The following LRRC32 variants were observed in gnomAD, a reference collection of about 807,000 sequenced individuals.
LRRC32 encodes leucine rich repeat containing 32, also known as transforming growth factor beta activator LRRC32.
LRRC32 carries 5 observed loss-of-function variants against 15.0 expected under a neutral mutation model. That is an observed-to-expected ratio of 0.33 (90% CI 0.17 to 0.70). The LOEUF (loss-of-function observed/expected upper bound fraction) is 0.70, where lower values mean the gene tolerates loss of function less well. Ranked by LOEUF, LRRC32 falls within the 30% of genes least tolerant of loss-of-function variation. LRRC32 has a pLI of 0.66. For synonymous variants in LRRC32, 391 were observed against 403.9 expected, an observed-to-expected ratio of 0.97 and a Z score of 0.38; for missense variants, 803 against 854.2, an observed-to-expected ratio of 0.94 and a Z score of 0.75.
At chr11:76,666,569 G>A (rs552101089) in intron 1 of LRRC32, among the ~76,000 whole-genome samples, 107 of 152,332 alleles carry the variant, frequency 7.0e-4, no homozygotes, top group African/African-American at 1.9e-3. Context: ...TGGCTGCCCC[G>A]GCACTGCTCT....
At chr11:76,669,222 G>T (rs1286642035) in intron 1 of LRRC32, among the ~76,000 whole-genome samples, 1 of 152,186 alleles carries the variant, frequency 6.6e-6, no homozygotes, top group African/African-American at 2.4e-5. Flanking sequence ...ACCCTCGCAG[G>T]GCTGAGCATC....
At chr11:76,668,879 G>C (rs939066802) in intron 1 of LRRC32, among the ~76,000 whole-genome samples, 12 of 152,210 alleles carry the variant, frequency 7.9e-5, no homozygotes, top group African/African-American at 2.7e-4. Context: ...CAGCACATGG[G>C]CACTCTGTCC....
chr11:76,659,592 C>G lies in LRRC32; in HGVS notation c.*12G>C. 6.2e-7 allele frequency: 1 copy of G among 1,611,056 alleles called. No homozygotes were observed. Among genetic ancestry groups the G allele is most frequent in the Non-Finnish European group, 8.5e-7 (1 of 1,178,160 alleles). ...AGGCTCCCCCACTGACCTAGAGTGT[C>G]TCCCGGCTTCTTTAGGCTTTATACT... On this transcript the variant is annotated 3_prime_UTR_variant, in exon 3 of 3. Coordinates refer to ENST00000260061, the MANE Select transcript of LRRC32 (RefSeq NM_001128922.2).
At chr11:76,669,801 G>A (rs1226825672) in intron 1 of LRRC32, 1 of 152,326 alleles carries the variant, frequency 6.6e-6, no homozygotes, top group African/African-American at 2.4e-5. Flanking sequence ...GTCACGATCA[G>A]AATCCAGTTC....
rs144527368 is a variant in LRRC32, at chr11:76,660,888, C to G, written c.705G>C (p.Thr235=). The part of the protein sequence containing the change: ...LSCNSIEAFQ[T]ASQPQAEFQL... Reference sequence around the variant, plus strand: ...GGAACTCAGCCTGGGGCTGGGAGGCCGTCTGAAAGGCCTCGATGCTGTTGC... The same window carrying G: ...GGAACTCAGCCTGGGGCTGGGAGGCGGTCTGAAAGGCCTCGATGCTGTTGC... Residue 235 remains threonine, a synonymous_variant, in exon 3 of 3, where the codon ACG becomes ACC. Coordinates refer to ENST00000260061, the MANE Select transcript of LRRC32 (RefSeq NM_001128922.2). 5 of 1,614,036 alleles carry G rather than the reference C, an allele frequency of 3.1e-6. No individual in the cohort carries two copies. In the African/African-American group the frequency reaches 6.7e-5, roughly 22 times the overall value.
chr11:76,661,397 C>T lies in LRRC32; in HGVS notation c.196G>A (p.Ala66Thr), dbSNP rs764033019. 5.9e-5 allele frequency: 96 copies of T among 1,613,972 alleles called. No homozygotes were observed. The highest frequency in any genetic ancestry group is 7.8e-5 in the Non-Finnish European group (92 of 1,179,976). The change falls in exon 3 of 3, where the codon GCC (alanine) becomes ACC (threonine). Residue 66 changes from alanine (A) to threonine (T), a missense_variant. Transcript: ENST00000260061. ...GCTGTGTAGAAGCCCAGGGGTGAGG[C>T]CAGGATACTCCGCAGCTGGTTCCCA... is the stretch of plus-strand genomic sequence containing the variant. ...LSGNQLRSILASPLGFYTALR... is the reference protein window; with the variant it reads ...LSGNQLRSILTSPLGFYTALR...
intron 2 of LRRC32, among the ~76,000 whole-genome samples, chr11:76,664,375 G>C (rs1368798505): frequency 6.6e-6 from 1 of 152,228 alleles, no homozygotes; most frequent in Non-Finnish European, 1.5e-5. Flanking sequence ...CTTCAGCTCT[G>C]AGCTCCCAGC....
chr11:76,670,219 G>T (rs1401207103), intron 1 of LRRC32, among the ~76,000 whole-genome samples: 1 of 152,232 alleles, frequency 6.6e-6, no homozygotes, highest in Non-Finnish European at 1.5e-5. Context: ...CCCACTACGA[G>T]AAATGGGCAG....
intron 1 of LRRC32, among the ~76,000 whole-genome samples, chr11:76,667,034 C>T (rs890820362): frequency 2.0e-5 from 3 of 152,202 alleles, no homozygotes; most frequent in African/African-American, 4.8e-5. Flanking sequence ...TCTTACAAGT[C>T]GCTTCACCTC....
intron 1 of LRRC32, among the ~76,000 whole-genome samples, 183 bp downstream of exon 1, chr11:76,670,431 C>G (rs954510973): frequency 1.2e-4 from 19 of 152,224 alleles, no homozygotes; most frequent in African/African-American, 4.3e-4. Flanking sequence ...AAGACAGGAG[C>G]GCTGGGGAAC....
At position 76,661,033 on chromosome 11, in the gene LRRC32, T is replaced by A; in HGVS notation, c.560A>T (p.Asp187Val). 2 of 1,614,186 alleles carry A rather than the reference T, an allele frequency of 1.2e-6. No homozygotes were observed. Among genetic ancestry groups the A allele is most frequent in the South Asian group, 2.2e-5 (2 of 91,086 alleles). ...ACCCTCGAAGGCGCCATCCTCGATG[T>A]CCATCAGCACGTTGCTATGCAGGTC... ...QLDLHSNVLM[D>V]IEDGAFEGLP... Residue 187 changes from aspartate (D) to valine (V), a missense_variant, in exon 3 of 3, where the codon GAC becomes GTC. Asp to Val is a radical substitution (Grantham distance 152). Transcript: ENST00000260061.
intron 1 of LRRC32, 31 bp from the exon 2 acceptor site, chr11:76,665,989 TG>T (rs1442909565): frequency 6.9e-6 from 11 of 1,601,844 alleles, no homozygotes; most frequent in Non-Finnish European, 9.4e-6. Context: ...AGGGGAACAC[TG>T]TAAGCCCACT....
At position 76,660,416 on chromosome 11, in the gene LRRC32, G is replaced by A. The variant is rs773229643; in HGVS notation, c.1177C>T (p.Leu393=). Residue 393 remains leucine, a synonymous_variant, in exon 3 of 3, where the codon CTA becomes TTA. Transcript: ENST00000260061. ...RALGSLRTLL[L]QGNALRDLPP... ...AGGTCCCGCAGGGCATTGCCCTGTA[G>A]GAGCAGCGTCCGCAGAGACCCCAGG... is the stretch of plus-strand genomic sequence containing the variant. 1.2e-6 allele frequency: 2 copies of A among 1,613,702 alleles called. No homozygotes were observed. Among genetic ancestry groups the A allele is most frequent in the Non-Finnish European group, 1.7e-6 (2 of 1,179,886 alleles).
Position 76,661,500 on chromosome 11 carries a change from C to G in LRRC32, c.93G>C (p.Lys31Asn), listed in dbSNP as rs528611260. 32 of 1,549,474 alleles carry G rather than the reference C, an allele frequency of 2.1e-5. No homozygotes were observed. The South Asian group carries it at 3.6e-4, about 18-fold the overall frequency. Residue 31 changes from lysine (K) to asparagine (N), a missense_variant, in exon 3 of 3, where the codon AAG (lysine) becomes AAC (asparagine). By Grantham distance (94) the Lys-to-Asn change is moderately conservative (BLOSUM62 0). Coordinates refer to ENST00000260061, the MANE Select transcript of LRRC32 (RefSeq NM_001128922.2). ...GGCCCAGAACCTGGCACGAGACCTTCTTGTCCACCTGGGGAGGGGTAGGGT... is the reference window on the plus strand; with the variant it reads ...GGCCCAGAACCTGGCACGAGACCTTGTTGTCCACCTGGGGAGGGGTAGGGT... ...QDKVPCKMVD[K>N]KVSCQVLGLL...
Position 76,659,378 on chromosome 11 carries a change from G to C in LRRC32, c.*226C>G, listed in dbSNP as rs1565402621. Reference sequence around the variant, plus strand: ...GATCTGACAGGTCAACATTATTCTCGGCTGTCCCTGAAACCGCCCAACTTC... The same window carrying C: ...GATCTGACAGGTCAACATTATTCTCCGCTGTCCCTGAAACCGCCCAACTTC... On this transcript the variant is annotated 3_prime_UTR_variant, in exon 3 of 3. Coordinates refer to ENST00000260061, the MANE Select transcript of LRRC32 (RefSeq NM_001128922.2). The C allele has an allele frequency of 1.8e-6, 1 of 554,680 alleles. No homozygotes were observed. Among genetic ancestry groups the C allele is most frequent in the Non-Finnish European group, 3.2e-6 (1 of 310,972 alleles). 34.4% of individuals were successfully genotyped at this position (554,680 alleles called of 1,614,324 possible). A position where few individuals can be genotyped will look rare whatever the true frequency, so the allele number is the denominator to read the frequency against.
intron 2 of LRRC32, among the ~76,000 whole-genome samples, chr11:76,665,613 C>G (rs1042270409): frequency 7.2e-5 from 11 of 152,324 alleles, no homozygotes; most frequent in African/African-American, 2.6e-4. Context: ...CTGTTCCCAG[C>G]TGAATGACCT....
At position 76,659,003 on chromosome 11, in the gene LRRC32, T is replaced by C. The variant is rs1320646; in HGVS notation, c.*601A>G. The C allele has an allele frequency of 0.78, 120,860 of 154,186 alleles. 47,818 individuals carry two copies. Among genetic ancestry groups the C allele is most frequent in the African/African-American group, 0.89 (37,095 of 41,546 alleles). 9.6% of individuals were successfully genotyped at this position (154,186 alleles called of 1,614,324 possible). A position where few individuals can be genotyped will look rare whatever the true frequency, so the allele number is the denominator to read the frequency against. On this transcript the variant is annotated 3_prime_UTR_variant, in exon 3 of 3. Coordinates refer to ENST00000260061, the MANE Select transcript of LRRC32 (RefSeq NM_001128922.2). Reference sequence around the variant, plus strand: ...CTCGTACAGCTCCAATTCTCTCTTCTGGTCCTAAGCTTTTCATTTTCAGAG... The same window carrying C: ...CTCGTACAGCTCCAATTCTCTCTTCCGGTCCTAAGCTTTTCATTTTCAGAG...
rs973595249 is a variant in LRRC32, at chr11:76,670,632, A to C, written c.-23T>G. The C allele has an allele frequency of 6.6e-6, 1 of 151,890 alleles. No individual in the cohort carries two copies. The allele number at this position is 151,890 out of a possible 1,614,324, so 9.4% of individuals were successfully genotyped here. On this transcript the variant is annotated 5_prime_UTR_variant, in exon 1 of 3. Transcript: ENST00000260061. ...CTCCTACCTGGCTCAGCGCGGCCGCAGCTCCTCTCCCGGGCAGTCTCGGCA... is the reference window on the plus strand; with the variant it reads ...CTCCTACCTGGCTCAGCGCGGCCGCCGCTCCTCTCCCGGGCAGTCTCGGCA...
chr11:76,669,386 T>A (rs7121983), intron 1 of LRRC32, among the ~76,000 whole-genome samples: 9,319 of 127,462 alleles, frequency 0.073, 343 homozygotes, highest in Non-Finnish European at 0.084. Flanking sequence ...TGTGTGTGTG[T>A]GAGAGAGAGA....
Sources: gnomAD v4.1 joint callset for allele counts (sites outside exome capture counted in the v4.1 genomes callset) on GRCh38, gnomAD v4.1.1 for gene constraint, MANE v1.5 for transcripts, NCBI Gene and HGNC (gene_info 2026-07-23, HGNC 2026-07-21) for gene names.